The following CPNE4 variants were observed in gnomAD, a reference collection of about 807,000 sequenced individuals.
CPNE4 encodes the protein copine-4.
A neutral mutation model predicts 67.9 loss-of-function variants in CPNE4; 25 were observed. That is an observed-to-expected ratio of 0.37 (90% CI 0.27 to 0.51). The LOEUF is 0.51. Ranked by LOEUF, CPNE4 falls within the 20% of genes least tolerant of loss-of-function variation. CPNE4 has a pLI of 0.93. For synonymous variants in CPNE4, 242 were observed against 244.9 expected (o/e 0.99, Z 0.11); for missense variants, 464 against 690.8 (o/e 0.67, Z 3.68).
At chr3:131,978,096 TATAAATATATATAAAATATATATAA>T (rs2072728862) in intron 1 of CPNE4, among the ~76,000 whole-genome samples, 1 of 74,774 alleles carries the variant, frequency 1.3e-5, no homozygotes, top group Non-Finnish European at 2.1e-5. Context: ...TAAATATATA[TATAAATATATATAAAATATATATAA>T]ATATATATAT....
At chr3:131,634,257 C>T (rs2079317077) in intron 7 of CPNE4, among the ~76,000 whole-genome samples, 1 of 152,140 alleles carries the variant, frequency 6.6e-6, no homozygotes, top group Non-Finnish European at 1.5e-5. Context: ...GTCATATAAA[C>T]TGCATATGCT....
At chr3:131,790,254 C>T (rs1462548210) in intron 2 of CPNE4, among the ~76,000 whole-genome samples, 4 of 152,134 alleles carry the variant, frequency 2.6e-5, no homozygotes, top group Non-Finnish European at 5.9e-5. Flanking sequence ...AAAGACTATG[C>T]TAACTCCTGT....
At chr3:131,637,672 A>T (rs1354571464) in intron 7 of CPNE4, among the ~76,000 whole-genome samples, 1 of 152,338 alleles carries the variant, frequency 6.6e-6, no homozygotes, top group South Asian at 2.1e-4. Flanking sequence ...TATACATCCA[A>T]ATACAAGAAA....
chr3:131,599,473 T>C (rs1486363712), intron 7 of CPNE4, among the ~76,000 whole-genome samples: 2 of 152,238 alleles, frequency 1.3e-5, no homozygotes. Context: ...TTTGGACTTC[T>C]GAATTTGGCA....
chr3:131,696,476 A>G, intron 5 of CPNE4, 66 bp downstream of exon 5: 12 of 1,439,926 alleles, frequency 8.3e-6, no homozygotes, highest in Non-Finnish European at 1.2e-5. Context: ...TTGCAGGGGG[A>G]AATCTGATTA....
chr3:131,638,669 A>C (rs1026085181), intron 7 of CPNE4, among the ~76,000 whole-genome samples: 1 of 152,196 alleles, frequency 6.6e-6, no homozygotes, highest in African/African-American at 2.4e-5. Context: ...AAACAAGTGT[A>C]CTTAACAGAT....
chr3:131,614,640 A>T (rs946683584), intron 7 of CPNE4, among the ~76,000 whole-genome samples: 1 of 152,180 alleles, frequency 6.6e-6, no homozygotes, highest in East Asian at 1.9e-4. Context: ...GTAGGAGAAA[A>T]TTCTATGTAG....
At chr3:132,026,072 A>T (rs879721361) in intron 1 of CPNE4, among the ~76,000 whole-genome samples, 1 of 152,264 alleles carries the variant, frequency 6.6e-6, no homozygotes, top group Non-Finnish European at 1.5e-5. Context: ...ATCAATTTGG[A>T]TGATATGATA....
intron 1 of CPNE4, among the ~76,000 whole-genome samples, chr3:131,975,570 A>C (rs1171342488): frequency 6.6e-6 from 1 of 152,200 alleles, no homozygotes; most frequent in Non-Finnish European, 1.5e-5. Context: ...AAATCTACCC[A>C]CACTGCTTCT....
chr3:131,879,530 C>G (rs1190430466), intron 2 of CPNE4, among the ~76,000 whole-genome samples: 2 of 152,088 alleles, frequency 1.3e-5, no homozygotes, highest in Non-Finnish European at 2.9e-5. Flanking sequence ...AAACTGTCCC[C>G]CACCCCTCCT....
chr3:131,866,047 C>G (rs2086936330), intron 2 of CPNE4, among the ~76,000 whole-genome samples: 1 of 152,234 alleles, frequency 6.6e-6, no homozygotes, highest in Admixed American at 6.5e-5. Context: ...AGGAGGCTCT[C>G]TGGAGCTGAG....
intron 15 of CPNE4, chr3:131,537,655 T>C: frequency 3.7e-6 from 1 of 267,608 alleles, no homozygotes. Context: ...AGGACTTAGT[T>C]TGGGACTTCA....
At chr3:131,952,214 C>G (rs974625440) in intron 1 of CPNE4, among the ~76,000 whole-genome samples, 3 of 151,268 alleles carry the variant, frequency 2.0e-5, no homozygotes, top group Admixed American at 6.6e-5. Flanking sequence ...TCTGCCCCGC[C>G]GCCCCGTCTG....
intron 1 of CPNE4, among the ~76,000 whole-genome samples, chr3:132,001,769 A>C (rs1241871147): frequency 6.6e-6 from 1 of 152,040 alleles, no homozygotes; most frequent in African/African-American, 2.4e-5. Flanking sequence ...AATAAGGAGA[A>C]TATCCGGAGA....
chr3:131,729,946 G>A (rs1415966565), intron 2 of CPNE4, among the ~76,000 whole-genome samples: 1 of 152,222 alleles, frequency 6.6e-6, no homozygotes, highest in African/African-American at 2.4e-5. Context: ...GACCGACAGT[G>A]ATGGTAACTT....
intron 2 of CPNE4, among the ~76,000 whole-genome samples, chr3:131,724,088 A>C (rs574860208): frequency 8.5e-5 from 13 of 152,250 alleles, no homozygotes; most frequent in African/African-American, 3.1e-4. Context: ...GCTCAGGAGG[A>C]AAGAAATCTG....
intron 2 of CPNE4, among the ~76,000 whole-genome samples, chr3:131,838,259 A>C (rs1213025154): frequency 6.6e-6 from 1 of 152,004 alleles, no homozygotes; most frequent in African/African-American, 2.4e-5. Context: ...TTCTATGCAA[A>C]TGGATATTTT....
At chr3:132,007,889 G>A (rs2107673344) in intron 1 of CPNE4, among the ~76,000 whole-genome samples, 1 of 152,206 alleles carries the variant, frequency 6.6e-6, no homozygotes, top group Non-Finnish European at 1.5e-5. Context: ...TCTTCCCTAA[G>A]CAATCAGCAC....
In CPNE4 at chr3:131,983,933, GA is replaced by G. The variant is rs1583559025; in HGVS notation, c.-2+50633del. Among the ~76,000 whole-genome samples, 3 of 152,280 alleles carry G rather than the reference GA, an allele frequency of 2.0e-5. No homozygotes were observed. The East Asian group carries it at 5.8e-4, about 29-fold the overall frequency. On this transcript the variant is annotated intron_variant, in intron 1 of 15. Transcript: ENST00000429747. The stretch of plus-strand genomic sequence containing the variant: ...AATCACAAATTACTTCAGTGCTGTG[GA>G]TATGGGAGAAGCACAAGGTAATCAT...
Sources: allele counts gnomAD v4.1 joint callset (sites outside exome capture counted in the v4.1 genomes callset), GRCh38; gene constraint gnomAD v4.1.1; transcripts MANE v1.5; gene names NCBI Gene and HGNC (gene_info 2026-07-23, HGNC 2026-07-21).